SLC36A4: variants seen among roughly 807,000 people sequenced by gnomAD.
SLC36A4 encodes solute carrier family 36 member 4.
A neutral mutation model predicts 50.5 loss-of-function variants in SLC36A4; 49 were observed. The observed-to-expected ratio is 0.97, with a 90% CI of 0.77 to 1.23. SLC36A4 has a LOEUF of 1.23. SLC36A4 is among the 50% of genes most tolerant of loss of function. The pLI, the probability that SLC36A4 is intolerant of heterozygous loss-of-function variation, is 0.00. For synonymous variants in SLC36A4, 207 were observed against 206.5 expected, an observed-to-expected ratio of 1.00 and a Z score of -0.02; for missense variants, 611 against 608.4, an observed-to-expected ratio of 1.00 and a Z score of -0.05.
chr11:93,193,921 C>A (rs770536796), intron 1 of SLC36A4, among the ~76,000 whole-genome samples: 2 of 151,988 alleles, frequency 1.3e-5, no homozygotes, highest in Admixed American at 1.3e-4. Flanking sequence ...TTGAAAATTG[C>A]GAAACAACCT....
intron 3 of SLC36A4, among the ~76,000 whole-genome samples, chr11:93,183,388 T>C (rs1203161982): frequency 1.3e-5 from 2 of 152,150 alleles, no homozygotes; most frequent in Non-Finnish European, 2.9e-5. Context: ...ACTTTAAATA[T>C]TTATTTACTA....
chr11:93,170,341 C>A (rs1036173294), intron 6 of SLC36A4: 1 of 152,018 alleles, frequency 6.6e-6, no homozygotes, highest in African/African-American at 2.4e-5. Flanking sequence ...AATTAAAATT[C>A]CAACAGCAGA....
chr11:93,162,021 C>G (rs1214411038), intron 9 of SLC36A4, among the ~76,000 whole-genome samples: 1 of 152,102 alleles, frequency 6.6e-6, no homozygotes, highest in Non-Finnish European at 1.5e-5. Context: ...AAAATATACA[C>G]TATGAAGCTG....
intron 1 of SLC36A4, among the ~76,000 whole-genome samples, chr11:93,191,020 G>C (rs79909820): frequency 0.021 from 3,124 of 152,260 alleles, 93 homozygotes; most frequent in African/African-American, 0.07. Context: ...TAAATCTAAA[G>C]AGTAAATTGA....
Position 93,188,048 on chromosome 11 carries a change from C to T in SLC36A4, c.56-2234G>A, listed in dbSNP as rs993275436. On this transcript the variant is annotated intron_variant, in intron 1 of 10. Transcript: ENST00000326402. ...GTGCTTGATCCAGTTTCCTGCTCCC[C>T]GCTCTTCTTTTCCAACGAAATACTA... is the stretch of plus-strand genomic sequence containing the variant. 5.9e-5 allele frequency among the ~76,000 whole-genome samples: 9 copies of T among 152,170 alleles called. No individual in the cohort carries two copies. The South Asian group carries it at 8.3e-4, about 14-fold the overall frequency.
In SLC36A4 at chr11:93,173,223, T is replaced by C. The variant is rs1861267755; in HGVS notation, c.541-5052A>G. 2.0e-5 allele frequency among the ~76,000 whole-genome samples: 3 copies of C among 150,414 alleles called. No homozygotes were observed. In the South Asian group the frequency reaches 6.4e-4, roughly 32 times the overall value. On this transcript the variant is annotated intron_variant, in intron 6 of 10. Transcript: ENST00000326402. ...GATGATGAGCATTTTTTCATGTGTT[T>C]TTTGGCTGCATAAATGTCTTCTTTT...
chr11:93,171,844 C>T (rs930068921), intron 6 of SLC36A4: 5 of 152,040 alleles, frequency 3.3e-5, no homozygotes, highest in African/African-American at 1.2e-4. Flanking sequence ...ATCAAAAGGA[C>T]ATCATCTATA....
chr11:93,148,925 C>T (rs1214874839), intron 10 of SLC36A4, 81 bp from the exon 11 acceptor site: 3 of 1,233,704 alleles, frequency 2.4e-6, no homozygotes, highest in African/African-American at 1.6e-5. Flanking sequence ...ATTTTCAATA[C>T]TGAAAGTAAT....
intron 1 of SLC36A4, among the ~76,000 whole-genome samples, chr11:93,196,144 CT>C (rs1265998107): frequency 8.5e-5 from 13 of 152,086 alleles, no homozygotes; most frequent in East Asian, 3.9e-4. Flanking sequence ...TAATTTGAAA[CT>C]TTTTTTCAGT....
intron 6 of SLC36A4, among the ~76,000 whole-genome samples, chr11:93,179,421 A>G (rs1015577685): frequency 3.9e-5 from 6 of 152,224 alleles, no homozygotes. Flanking sequence ...GCTATTTTAA[A>G]AAGTTATACA....
intron 4 of SLC36A4, 116 bp downstream of exon 4, chr11:93,182,690 G>C (rs1435473203): frequency 5.1e-6 from 3 of 590,504 alleles, no homozygotes; most frequent in Non-Finnish European, 5.7e-6. Context: ...CATTACCTTA[G>C]ATTTATCTAC....
At position 93,148,381 on chromosome 11, in the gene SLC36A4, CT is replaced by C. The variant is rs1463107477; in HGVS notation, c.*155del. The C allele has an allele frequency of 9.7e-5, 64 of 658,984 alleles. No individual in the cohort carries two copies. The East Asian group carries it at 1.9e-3, about 19-fold the overall frequency. 40.8% of individuals were successfully genotyped at this position (658,984 alleles called of 1,614,324 possible). On this transcript the variant is annotated 3_prime_UTR_variant, in exon 11 of 11. Coordinates refer to ENST00000326402, the MANE Select transcript of SLC36A4 (RefSeq NM_152313.4). ...AGGATTTTTCATAGGTTTACCACTA[CT>C]GGTAAAGAGTTATGATTACTTCCAA... is the stretch of plus-strand genomic sequence containing the variant.
chr11:93,180,367 T>A (rs2134689823), intron 6 of SLC36A4: 1 of 970,184 alleles, frequency 1.0e-6, no homozygotes, highest in African/African-American at 1.8e-5. Flanking sequence ...GGACACAGTG[T>A]CTTTTTACAC....
At chr11:93,193,778 T>C (rs1359045647) in intron 1 of SLC36A4, among the ~76,000 whole-genome samples, 1 of 152,172 alleles carries the variant, frequency 6.6e-6, no homozygotes, top group African/African-American at 2.4e-5. Context: ...TAAAATCACA[T>C]TAATTTAGCA....
In SLC36A4 at chr11:93,154,281, T is replaced by C. The variant is rs1590931293; in HGVS notation, c.1038-4A>G. Reference sequence around the variant, plus strand: ...AATTTTCACTGATTGATATAACCTGTTGAAAAAAATTTTCAAAATTTAGTC... The same window carrying C: ...AATTTTCACTGATTGATATAACCTGCTGAAAAAAATTTTCAAAATTTAGTC... On this transcript the variant is annotated splice_region_variant and splice_polypyrimidine_tract_variant and intron_variant, in intron 9 of 10. Coordinates refer to ENST00000326402, the MANE Select transcript of SLC36A4 (RefSeq NM_152313.4). 7.4e-7 allele frequency: 1 copy of C among 1,346,254 alleles called. No individual in the cohort carries two copies. The highest frequency in any genetic ancestry group is 2.8e-5 in the East Asian group (1 of 35,848). The allele number at this position is 1,346,254 out of a possible 1,614,324, so 83.4% of individuals were successfully genotyped here.
intron 1 of SLC36A4, among the ~76,000 whole-genome samples, chr11:93,187,072 C>T (rs1862014639): frequency 6.6e-6 from 1 of 152,104 alleles, no homozygotes; most frequent in Non-Finnish European, 1.5e-5. Context: ...TTCTTTATAG[C>T]CTGGATACTT....
intron 6 of SLC36A4, among the ~76,000 whole-genome samples, chr11:93,177,441 C>T (rs1861530797): frequency 6.6e-6 from 1 of 152,208 alleles, no homozygotes; most frequent in South Asian, 2.1e-4. Flanking sequence ...TCGTCTGAAG[C>T]CTTCTTCTCT....
rs373834484 is a variant in SLC36A4 at position 93,148,718 on chromosome 11, T to C, written c.1334A>G (p.Tyr445Cys). The C allele has an allele frequency of 3.1e-6, 5 of 1,612,962 alleles. No homozygotes were observed. In the South Asian group the frequency reaches 4.4e-5, roughly 14 times the overall value. ...VEILTFSKEH[Y>C]NIWMVLKNIS... Reference sequence around the variant, plus strand: ...ATTTTTCAGGACCATCCATATATTATAATGTTCCTTCGAAAATGTAAGAAT... The same window carrying C: ...ATTTTTCAGGACCATCCATATATTACAATGTTCCTTCGAAAATGTAAGAAT... The change falls in exon 11 of 11, where the codon TAT becomes TGT. Residue 445 changes from tyrosine to cysteine, a missense_variant. Coordinates refer to ENST00000326402, the MANE Select transcript of SLC36A4 (RefSeq NM_152313.4).
At chr11:93,194,319 AAAAG>A (rs541144624) in intron 1 of SLC36A4, among the ~76,000 whole-genome samples, 9 of 152,238 alleles carry the variant, frequency 5.9e-5, no homozygotes, top group African/African-American at 1.9e-4. Flanking sequence ...TAGAAAAACT[AAAAG>A]AAAGTAGAAA....
Sources: gnomAD v4.1 joint callset for allele counts (sites outside exome capture counted in the v4.1 genomes callset) on GRCh38, gnomAD v4.1.1 for gene constraint, MANE v1.5 for transcripts, NCBI Gene and HGNC (gene_info 2026-07-23, HGNC 2026-07-21) for gene names.